Variants in TRPM2 observed in about 807,000 individuals in gnomAD.
TRPM2 encodes the protein transient receptor potential cation channel subfamily M member 2.
Under a neutral mutation model 174.0 loss-of-function variants are expected in TRPM2, and 161 were observed. That is an observed-to-expected ratio of 0.93 (90% CI 0.81 to 1.05). The LOEUF (loss-of-function observed/expected upper bound fraction) is 1.05, where lower values mean the gene tolerates loss of function less well. Among genes scored for constraint, TRPM2 ranks in the 50% least tolerant of loss-of-function variants. TRPM2 has a pLI of 0.00. For synonymous variants in TRPM2, 954 were observed against 861.3 expected, an observed-to-expected ratio of 1.11 and a Z score of -1.88; for missense variants, 2,057 against 2,038.0, an observed-to-expected ratio of 1.01 and a Z score of -0.18.
At position 44,426,990 on chromosome 21, in the gene TRPM2, G is replaced by A. The variant is rs758182320; in HGVS notation, c.3873-20G>A. 8.3e-6 allele frequency: 13 copies of A among 1,571,378 alleles called. No homozygotes were observed. Among genetic ancestry groups the A allele is most frequent in the Admixed American group, 7.5e-5 (4 of 53,210 alleles). The stretch of plus-strand genomic sequence containing the variant: ...ACCTGCAACACGGGCACACAGACAC[G>A]CCTTCTCCTCTGCTCCCAGCACCCT... On this transcript the variant is annotated intron_variant, in intron 26 of 31. Coordinates refer to ENST00000397928, the MANE Select transcript of TRPM2 (RefSeq NM_003307.4).
chr21:44,414,459 G>A (rs1348775966), intron 20 of TRPM2: 2 of 215,056 alleles, frequency 9.3e-6, no homozygotes, highest in Non-Finnish European at 1.9e-5. Context: ...GCTCTACCCG[G>A]GGAGCGTGCT....
rs1267328429 is a variant in TRPM2, at chr21:44,397,780, A to G, written c.1966A>G (p.Ser656Gly). 3 of 1,602,076 alleles carry G rather than the reference A, an allele frequency of 1.9e-6. No homozygotes were observed. Among genetic ancestry groups the G allele is most frequent in the East Asian group, 2.2e-5 (1 of 44,534 alleles). The change falls in exon 13 of 32, where the codon AGC becomes GGC. Residue 656 changes from serine (S) to glycine (G), a missense_variant. Ser to Gly is a moderately conservative substitution (Grantham distance 56). Transcript: ENST00000397928. ...CTGCATCGCAGCGGCCTTGGCCTGCAGCAAGATCCTGAAGGAACTGTCCAA... is the reference window on the plus strand; with the variant it reads ...CTGCATCGCAGCGGCCTTGGCCTGCGGCAAGATCCTGAAGGAACTGTCCAA... Reference protein sequence around the residue: ...QDCIAAALACSKILKELSKEE... With the variant: ...QDCIAAALACGKILKELSKEE...
intron 24 of TRPM2, 94 bp downstream of exon 24, chr21:44,425,033 G>C: frequency 8.6e-7 from 1 of 1,156,754 alleles, no homozygotes; most frequent in Admixed American, 2.2e-5. Context: ...GGGGTGGGGG[G>C]CTCTGTCCAG....
chr21:44,422,545 C>A, intron 22 of TRPM2: 1 of 1,259,614 alleles, frequency 7.9e-7, no homozygotes, highest in Non-Finnish European at 1.1e-6. Context: ...GTCATATCCC[C>A]AGAAAGTTTC....
At position 44,427,127 on chromosome 21, in the gene TRPM2, G is replaced by A. The variant is rs1013015320; in HGVS notation, c.3974+16G>A. 4.5e-6 allele frequency: 7 copies of A among 1,561,764 alleles called. No homozygotes were observed. The East Asian group carries it at 1.4e-4, about 31-fold the overall frequency. Reference sequence around the variant, plus strand: ...GGTTGCCCCTGTGAGTGTGCCCCCTGCGGGCCCCGCCCCGTCAGCCTTTGG... The same window carrying A: ...GGTTGCCCCTGTGAGTGTGCCCCCTACGGGCCCCGCCCCGTCAGCCTTTGG... On this transcript the variant is annotated intron_variant, in intron 27 of 31. Transcript: ENST00000397928.
intron 27 of TRPM2, among the ~76,000 whole-genome samples, chr21:44,427,971 G>A (rs1253381687): frequency 6.6e-6 from 1 of 152,112 alleles, no homozygotes; most frequent in Non-Finnish European, 1.5e-5. Flanking sequence ...CTGACGAGGA[G>A]AGCAGCAGGT....
intron 27 of TRPM2, among the ~76,000 whole-genome samples, chr21:44,433,237 A>G (rs1458373115): frequency 6.6e-6 from 1 of 152,218 alleles, no homozygotes; most frequent in African/African-American, 2.4e-5. Context: ...GGACAGTGAG[A>G]TGACAGCAGG....
chr21:44,407,666 C>T (rs564649733), intron 19 of TRPM2, among the ~76,000 whole-genome samples: 2 of 151,754 alleles, frequency 1.3e-5, no homozygotes, highest in African/African-American at 4.8e-5. Flanking sequence ...CTTTTCTGGG[C>T]GTTTCATAGA....
At chr21:44,363,382 CTGT>C (rs1337629449) in intron 2 of TRPM2, among the ~76,000 whole-genome samples, 1 of 152,072 alleles carries the variant, frequency 6.6e-6, no homozygotes, top group African/African-American at 2.4e-5. Context: ...TGTTTTCTCT[CTGT>C]TGTTCTTATT....
At chr21:44,353,564 A>G, upstream of TRPM2, 1 of 1,167,624 alleles carries the variant, frequency 8.6e-7, no homozygotes, top group African/African-American at 1.6e-5. Context: ...TCCTCTCAGA[A>G]CATCAGCCTC....
chr21:44,403,863 AAT>A (rs1310379314), intron 16 of TRPM2, among the ~76,000 whole-genome samples: 1 of 151,892 alleles, frequency 6.6e-6, no homozygotes, highest in African/African-American at 2.4e-5. Context: ...CATACACACA[AAT>A]ATACACATAC....
chr21:44,400,285 C>A lies in TRPM2; in HGVS notation c.2235C>A (p.Gly745=), dbSNP rs1240425551. ...CCTTCCTGACCAAGGTGTGGTGGGGCCAGCTCTCCGTGGACAATGGGCTGT... is the reference window on the plus strand; with the variant it reads ...CCTTCCTGACCAAGGTGTGGTGGGGACAGCTCTCCGTGGACAATGGGCTGT... ...IQAFLTKVWW[G]QLSVDNGLWR... is the part of the protein sequence containing the mutation. The change falls in exon 15 of 32, where the codon GGC becomes GGA. Residue 745 remains glycine (G), a synonymous_variant. Transcript: ENST00000397928. The A allele has an allele frequency of 6.2e-7, 1 of 1,612,830 alleles. No homozygotes were observed. Among genetic ancestry groups the A allele is most frequent in the Non-Finnish European group, 8.5e-7 (1 of 1,179,854 alleles).
chr21:44,426,119 C>T (rs373884535), intron 25 of TRPM2, among the ~76,000 whole-genome samples: 15 of 151,992 alleles, frequency 9.9e-5, no homozygotes, highest in Middle Eastern at 3.4e-3. Flanking sequence ...CCCAGCCCCC[C>T]GGCCCCATTC....
At chr21:44,380,164 TCTGA>T (rs1387527240) in intron 8 of TRPM2, among the ~76,000 whole-genome samples, 7 of 152,374 alleles carry the variant, frequency 4.6e-5, no homozygotes, top group Admixed American at 2.6e-4. Flanking sequence ...GCAGAGTTTC[TCTGA>T]CTGGTGATTT....
At chr21:44,378,232 G>C (rs1008799541) in intron 7 of TRPM2, among the ~76,000 whole-genome samples, 1 of 152,248 alleles carries the variant, frequency 6.6e-6, no homozygotes, top group African/African-American at 2.4e-5. Flanking sequence ...GCGCTGCTCT[G>C]CCGGCCTTCC....
rs1203018831 is a variant in TRPM2 at position 44,401,866 on chromosome 21, T to C, written c.2507T>C (p.Leu836Pro). The C allele has an allele frequency of 3.1e-6, 5 of 1,613,736 alleles. No homozygotes were observed. Among genetic ancestry groups the C allele is most frequent in the Non-Finnish European group, 4.2e-6 (5 of 1,180,004 alleles). ...TGCGAGTGTGCCATCTACCTCTGGC[T>C]CTTCTCCTTGGTGTGCGAGGAGATG... ...SWCECAIYLW[L>P]FSLVCEEMRQ... Residue 836 changes from leucine to proline, a missense_variant, in exon 16 of 32, where the codon CTC becomes CCC. By Grantham distance (98) the Leu-to-Pro change is moderately conservative (BLOSUM62 -3). Transcript: ENST00000397928.
At chr21:44,364,038 G>A in intron 2 of TRPM2, 76 bp from the exon 3 acceptor site, 1 of 1,483,370 alleles carries the variant, frequency 6.7e-7, no homozygotes, top group Non-Finnish European at 9.0e-7. Context: ...GCTTTCCACT[G>A]GGCCTCCTCT....
chr21:44,410,387 T>TGAGC lies in TRPM2; in HGVS notation c.2963-3503_2963-3502insAGCG, dbSNP rs546058137. Among the ~76,000 whole-genome samples, 585 of 71,778 alleles carry TGAGC rather than the reference T, an allele frequency of 8.2e-3. 26 individuals carry two copies. The highest frequency in any genetic ancestry group is 0.024 in the African/African-American group (473 of 19,818). 47.1% of individuals were successfully genotyped at this position (71,778 alleles called of 152,430 possible). On this transcript the variant is annotated intron_variant, in intron 19 of 31. Transcript: ENST00000397928. ...GTAAGTTTTGACCACACTGTCTTGGTGTAGCCTTGTAGTAAGTTTTGACTG... is the reference window on the plus strand; with the variant it reads ...GTAAGTTTTGACCACACTGTCTTGGTGAGCGTAGCCTTGTAGTAAGTTTTGACTG...
chr21:44,437,664 T>C (rs2051331744), intron 29 of TRPM2, among the ~76,000 whole-genome samples: 1 of 152,078 alleles, frequency 6.6e-6, no homozygotes, highest in Non-Finnish European at 1.5e-5. Context: ...GCCCCTCAGC[T>C]CAGGGGCTGG....
Sources: gnomAD v4.1 joint callset for allele counts (sites outside exome capture counted in the v4.1 genomes callset) on GRCh38, gnomAD v4.1.1 for gene constraint, MANE v1.5 for transcripts, NCBI Gene and HGNC (gene_info 2026-07-23, HGNC 2026-07-21) for gene names.